ULK4: variants seen among roughly 807,000 people sequenced by gnomAD.
ULK4 encodes the protein unc-51 like kinase 4.
Under a neutral mutation model 160.6 loss-of-function variants are expected in ULK4, and 133 were observed. The ratio of observed to expected loss-of-function variants is 0.83; its 90% CI spans 0.72 to 0.96. The LOEUF (loss-of-function observed/expected upper bound fraction) is 0.96. ULK4 is among the 40% of genes least tolerant of loss of function. The probability of loss-of-function intolerance (pLI) is 0.00; values close to 1 mark genes in which losing one functional copy is unlikely to be tolerated. For synonymous variants in ULK4, 534 were observed against 539.8 expected (o/e 0.99, Z 0.15); for missense variants, 1,580 against 1,499.5 (o/e 1.05, Z -0.89).
chr3:41,275,642 T>C (rs962697409), intron 35 of ULK4, among the ~76,000 whole-genome samples: 5 of 152,190 alleles, frequency 3.3e-5, no homozygotes, highest in Non-Finnish European at 7.3e-5. Context: ...AAATCAGTAA[T>C]GGCATTCAGA....
intron 32 of ULK4, among the ~76,000 whole-genome samples, chr3:41,542,069 G>A (rs1415364245): frequency 6.6e-6 from 1 of 152,180 alleles, no homozygotes; most frequent in Admixed American, 6.5e-5. Context: ...TAGGAGTGGT[G>A]AGAGAGGGCA....
chr3:41,263,193 G>A (rs573979553), intron 35 of ULK4, among the ~76,000 whole-genome samples: 2 of 152,280 alleles, frequency 1.3e-5, no homozygotes, highest in South Asian at 4.1e-4. Context: ...CATAAGAAGT[G>A]AGGAACAGTG....
intron 22 of ULK4, among the ~76,000 whole-genome samples, chr3:41,742,854 GA>G (rs2038287977): frequency 6.6e-6 from 1 of 151,862 alleles, no homozygotes; most frequent in African/African-American, 2.4e-5. Context: ...CTCAATAGTA[GA>G]GTGTAGATGA....
chr3:41,942,635 T>C (rs1699994789), intron 2 of ULK4, among the ~76,000 whole-genome samples: 1 of 151,740 alleles, frequency 6.6e-6, no homozygotes, highest in South Asian at 2.1e-4. Context: ...CTGACCAACA[T>C]GGAGAAACCC....
At chr3:41,370,093 A>G (rs997823543) in intron 35 of ULK4, among the ~76,000 whole-genome samples, 3 of 152,172 alleles carry the variant, frequency 2.0e-5, no homozygotes, top group Non-Finnish European at 4.4e-5. Flanking sequence ...TGTGATCTCT[A>G]GAGACACTCT....
intron 2 of ULK4, among the ~76,000 whole-genome samples, chr3:41,947,523 C>T (rs1447835296): frequency 1.3e-5 from 2 of 152,122 alleles, no homozygotes; most frequent in African/African-American, 4.8e-5. Context: ...GGAGAGGGGG[C>T]ATTGGTACCA....
At position 41,961,550 on chromosome 3, in the gene ULK4, ACCCCCC is replaced by A. The variant is rs201424516; in HGVS notation, c.-49+460_-49+465del. ...ACTCAGGGGCGCTACGTAGTCACTC[ACCCCCC>A]CCCCCCCCCCCCCCGCTCCCCAGGC... On this transcript the variant is annotated intron_variant, in intron 1 of 36. Coordinates refer to ENST00000301831, the MANE Select transcript of ULK4 (RefSeq NM_017886.4). Among the ~76,000 whole-genome samples, 4 of 124,720 alleles carry A rather than the reference ACCCCCC, an allele frequency of 3.2e-5. 1 individual carries two copies. The highest frequency in any genetic ancestry group is 4.7e-5 in the Non-Finnish European group (3 of 63,734). The allele number at this position is 124,720 out of a possible 152,430, so 81.8% of individuals were successfully genotyped here. A position where few individuals can be genotyped will look rare whatever the true frequency, so the allele number is the denominator to read the frequency against.
At chr3:41,247,124 G>A (rs1157384241) in intron 36 of ULK4, 132 bp from the exon 37 acceptor site, 5 of 882,460 alleles carry the variant, frequency 5.7e-6, no homozygotes, top group Non-Finnish European at 9.0e-6. Flanking sequence ...TTGGGAAGCA[G>A]AAGCAGGAAA....
intron 34 of ULK4, among the ~76,000 whole-genome samples, chr3:41,425,617 A>G (rs1195627682): frequency 6.6e-6 from 1 of 152,202 alleles, no homozygotes; most frequent in Non-Finnish European, 1.5e-5. Context: ...ACTGGGGGCC[A>G]ATATTCAACA....
At chr3:41,459,544 T>C (rs2083635402) in intron 33 of ULK4, among the ~76,000 whole-genome samples, 1 of 152,216 alleles carries the variant, frequency 6.6e-6, no homozygotes, top group Non-Finnish European at 1.5e-5. Context: ...ATCTCATGGT[T>C]TAACTAAAAG....
intron 32 of ULK4, among the ~76,000 whole-genome samples, chr3:41,500,926 T>A (rs1272944008): frequency 1.3e-5 from 2 of 152,210 alleles, no homozygotes; most frequent in Non-Finnish European, 2.9e-5. Flanking sequence ...GCCTTCATTG[T>A]TTTTGTGTTC....
chr3:41,741,852 C>T (rs1575635268), intron 22 of ULK4, among the ~76,000 whole-genome samples: 1 of 151,870 alleles, frequency 6.6e-6, no homozygotes, highest in African/African-American at 2.4e-5. Flanking sequence ...GGACTGGCTA[C>T]AGAATGAAGG....
chr3:41,533,037 TA>T (rs2086376363), intron 32 of ULK4, among the ~76,000 whole-genome samples: 1 of 152,220 alleles, frequency 6.6e-6, no homozygotes, highest in South Asian at 2.1e-4. Context: ...CGTCTTCAAA[TA>T]CTGCCACCAT....
chr3:41,433,624 G>C (rs1339192430), intron 34 of ULK4, among the ~76,000 whole-genome samples: 4 of 152,122 alleles, frequency 2.6e-5, no homozygotes, highest in African/African-American at 9.7e-5. Context: ...TTACTAATTT[G>C]ATTATGGTAT....
At chr3:41,686,341 AG>A (rs766831133) in intron 27 of ULK4, among the ~76,000 whole-genome samples, 5 of 152,220 alleles carry the variant, frequency 3.3e-5, no homozygotes, top group Admixed American at 6.5e-5. Flanking sequence ...TAGAAAAGCC[AG>A]GGTTTCTTGG....
chr3:41,385,970 C>T (rs2081798725), intron 35 of ULK4, among the ~76,000 whole-genome samples: 2 of 152,136 alleles, frequency 1.3e-5, no homozygotes, highest in Admixed American at 6.6e-5. Flanking sequence ...CAATATTTTC[C>T]AAATCGCAAG....
chr3:41,552,907 A>G (rs1366398907), intron 32 of ULK4, among the ~76,000 whole-genome samples: 1 of 152,130 alleles, frequency 6.6e-6, no homozygotes. Context: ...AATCAGACAT[A>G]TAGATCAATG....
At chr3:41,469,258 T>C (rs2083910482) in intron 32 of ULK4, among the ~76,000 whole-genome samples, 1 of 152,128 alleles carries the variant, frequency 6.6e-6, no homozygotes, top group Admixed American at 6.5e-5. Flanking sequence ...ATCTCAACTG[T>C]GAATTTCTAA....
intron 34 of ULK4, among the ~76,000 whole-genome samples, chr3:41,428,910 A>G (rs1461719196): frequency 6.6e-6 from 1 of 152,214 alleles, no homozygotes; most frequent in Non-Finnish European, 1.5e-5. Context: ...GACAAATGGG[A>G]CCTAATTAAA....
Sources: allele counts gnomAD v4.1 joint callset (sites outside exome capture counted in the v4.1 genomes callset), GRCh38; gene constraint gnomAD v4.1.1; transcripts MANE v1.5; gene names NCBI Gene and HGNC (gene_info 2026-07-23, HGNC 2026-07-21).